ACTR3C: variants seen among roughly 807,000 people sequenced by gnomAD.
The protein encoded by ACTR3C is actin-related protein 3C.
ACTR3C carries 18 observed loss-of-function variants against 26.3 expected under a neutral mutation model. The observed-to-expected ratio is 0.68, with a 90% CI of 0.47 to 1.01. The LOEUF is 1.01. Ranked by LOEUF, ACTR3C falls within the 50% of genes least tolerant of loss-of-function variation. ACTR3C has a pLI of 0.00. For missense variants in ACTR3C, 184 were observed against 250.7 expected, an observed-to-expected ratio of 0.73 and a Z score of 1.80; for synonymous variants, 55 against 94.5, an observed-to-expected ratio of 0.58 and a Z score of 2.42.
chr7:150,047,397 G>A, the ACTR3C span, among the ~76,000 whole-genome samples: 4 of 152,104 alleles, frequency 2.6e-5, no homozygotes, highest in African/African-American at 4.8e-5. Context: ...ACCAACTCCC[G>A]GCCGCCGCGG....
the ACTR3C span, among the ~76,000 whole-genome samples, chr7:150,220,172 C>T: frequency 6.7e-6 from 1 of 148,276 alleles, no homozygotes; most frequent in Non-Finnish European, 1.5e-5. Flanking sequence ...GGAGTCTCCA[C>T]TCGCCCGCCA....
At chr7:150,002,515 T>G in the ACTR3C span, 10 of 152,330 alleles carry the variant, frequency 6.6e-5, no homozygotes, top group East Asian at 1.9e-3. Flanking sequence ...AGCCGCGTGT[T>G]GATGGGAACG....
chr7:150,314,996 T>A (rs1295122309), intron 1 of ACTR3C, among the ~76,000 whole-genome samples: 1 of 147,216 alleles, frequency 6.8e-6, no homozygotes, highest in Non-Finnish European at 1.5e-5. Context: ...AATAATATTA[T>A]TAAATATTAT....
the ACTR3C span, among the ~76,000 whole-genome samples, chr7:149,970,513 C>T: frequency 1.6e-4 from 24 of 152,142 alleles, no homozygotes; most frequent in Non-Finnish European, 2.8e-4. Context: ...TTCCCTGTCT[C>T]GACGTGAATG....
the ACTR3C span, among the ~76,000 whole-genome samples, chr7:150,048,151 C>T: frequency 6.6e-6 from 1 of 152,126 alleles, no homozygotes; most frequent in African/African-American, 2.4e-5. Context: ...CTCCTTGCCA[C>T]AGCCACGTAC....
chr7:150,160,866 T>TA, the ACTR3C span, among the ~76,000 whole-genome samples: 1 of 148,800 alleles, frequency 6.7e-6, no homozygotes, highest in African/African-American at 2.5e-5. Flanking sequence ...ATACATTAAT[T>TA]ACAGGAGTAT....
chr7:150,168,096 T>C, the ACTR3C span, among the ~76,000 whole-genome samples: 4 of 150,708 alleles, frequency 2.7e-5, 1 homozygote, highest in African/African-American at 5.0e-5. Flanking sequence ...CAGCTACCAG[T>C]AGCTATCAGT....
chr7:150,030,410 A>AG, the ACTR3C span, among the ~76,000 whole-genome samples: 10 of 151,752 alleles, frequency 6.6e-5, no homozygotes, highest in African/African-American at 2.2e-4. Context: ...TTCTGTCACC[A>AG]GAGAGTGCTA....
At chr7:150,042,482 G>C in the ACTR3C span, among the ~76,000 whole-genome samples, 9 of 122,040 alleles carry the variant, frequency 7.4e-5, no homozygotes, top group African/African-American at 1.4e-4. Flanking sequence ...GGGGAGGTTC[G>C]CAGTCCCCGC....
intron 1 of ACTR3C, among the ~76,000 whole-genome samples, chr7:150,300,225 C>T (rs548424023): frequency 3.5e-4 from 53 of 152,146 alleles, no homozygotes; most frequent in African/African-American, 1.0e-3. Flanking sequence ...GTGGCACATA[C>T]CTGTAGTCCT....
chr7:150,300,100 G>A (rs34057333), intron 1 of ACTR3C, among the ~76,000 whole-genome samples: 1 of 152,048 alleles, frequency 6.6e-6, no homozygotes, highest in Non-Finnish European at 1.5e-5. Flanking sequence ...CACCTATAAT[G>A]CCAACACTTT....
At chr7:150,071,049 C>T in the ACTR3C span, among the ~76,000 whole-genome samples, 2 of 150,740 alleles carry the variant, frequency 1.3e-5, no homozygotes, top group South Asian at 2.1e-4. Flanking sequence ...CTACCTCAGC[C>T]TCCCAAAGTG....
At chr7:150,188,135 A>T in the ACTR3C span, among the ~76,000 whole-genome samples, 1 of 152,038 alleles carries the variant, frequency 6.6e-6, no homozygotes, top group Non-Finnish European at 1.5e-5. Flanking sequence ...TTGGAAAATG[A>T]TATTTAAAAT....
At chr7:150,070,016 C>G in the ACTR3C span, among the ~76,000 whole-genome samples, 1 of 152,138 alleles carries the variant, frequency 6.6e-6, no homozygotes, top group Non-Finnish European at 1.5e-5. Context: ...GGAACATGGA[C>G]GCCTTCCCAA....
chr7:150,271,067 C>G (rs1222630084), intron 6 of ACTR3C, among the ~76,000 whole-genome samples: 1 of 147,640 alleles, frequency 6.8e-6, no homozygotes, highest in Non-Finnish European at 1.5e-5. Flanking sequence ...TGAGGTGGAA[C>G]CCTGCCCTTG....
the ACTR3C span, among the ~76,000 whole-genome samples, chr7:150,073,109 A>C: frequency 4.6e-5 from 7 of 152,110 alleles, no homozygotes; most frequent in Non-Finnish European, 1.0e-4. Context: ...GGACTTTGGG[A>C]GTGATTAGGT....
the ACTR3C span, among the ~76,000 whole-genome samples, chr7:150,147,124 G>A: frequency 2.6e-5 from 4 of 152,144 alleles, no homozygotes; most frequent in African/African-American, 7.2e-5. Context: ...TGGAAAGGAG[G>A]TTCTCCTTCC....
chr7:150,293,357 C>G lies in ACTR3C; in HGVS notation c.108G>C (p.Gly36=), dbSNP rs1391573431. ...SRQVGERTLT[G]IVIDSGDGVT... ...CTCCATCTCCGCTGTCAATGACTATCCCCGTTAATGTACGTTCACCCACTT... is the reference window on the plus strand; with the variant it reads ...CTCCATCTCCGCTGTCAATGACTATGCCCGTTAATGTACGTTCACCCACTT... The change falls in exon 3 of 8, where the codon GGG becomes GGC. Residue 36 remains glycine, a synonymous_variant. Coordinates refer to ENST00000683684, the MANE Select transcript of ACTR3C (RefSeq NM_001164458.2). 2 of 1,607,290 alleles carry G rather than the reference C, an allele frequency of 1.2e-6. No homozygotes were observed. Among genetic ancestry groups the G allele is most frequent in the Non-Finnish European group, 1.7e-6 (2 of 1,176,380 alleles).
the ACTR3C span, among the ~76,000 whole-genome samples, chr7:150,026,408 C>G: frequency 6.6e-6 from 1 of 152,112 alleles, no homozygotes; most frequent in Non-Finnish European, 1.5e-5. Context: ...TGATGTATCT[C>G]AGGCCTCTAT....
Sources: gnomAD v4.1 joint callset for allele counts (sites outside exome capture counted in the v4.1 genomes callset) on GRCh38, gnomAD v4.1.1 for gene constraint, MANE v1.5 for transcripts, NCBI Gene and HGNC (gene_info 2026-07-23, HGNC 2026-07-21) for gene names.